CLDN16: variants seen among roughly 807,000 people sequenced by gnomAD.
CLDN16 encodes the protein claudin 16.
In CLDN16, 13 loss-of-function variants were observed where a neutral mutation model predicts 24.6. That is an observed-to-expected ratio of 0.53 (90% CI 0.34 to 0.84). The LOEUF is 0.84. Ranked by LOEUF, CLDN16 falls within the 40% of genes least tolerant of loss-of-function variation. The probability of loss-of-function intolerance (pLI) is 0.01; values close to 1 mark genes in which losing one functional copy is unlikely to be tolerated. For missense variants in CLDN16, 298 were observed against 292.7 expected (o/e 1.02, Z -0.13); for synonymous variants, 116 against 106.7 (o/e 1.09, Z -0.54).
At chr3:190,398,305 C>G (rs1718871010) in intron 1 of CLDN16, among the ~76,000 whole-genome samples, 1 of 152,192 alleles carries the variant, frequency 6.6e-6, no homozygotes, top group Non-Finnish European at 1.5e-5. Flanking sequence ...AGCTTATAAT[C>G]AAGAAGTTGG....
chr3:190,387,483 A>C (rs754540741), upstream of CLDN16, among the ~76,000 whole-genome samples: 4 of 152,352 alleles, frequency 2.6e-5, no homozygotes, highest in Admixed American at 1.3e-4. Flanking sequence ...ATGCTATTCT[A>C]AGCGACTTAC....
chr3:190,298,449 A>G, the CLDN16 span, among the ~76,000 whole-genome samples: 1 of 122,172 alleles, frequency 8.2e-6, no homozygotes, highest in Non-Finnish European at 1.6e-5. Flanking sequence ...TCCTTCTGGG[A>G]GTTGCTTTTT....
chr3:190,349,495 G>A (rs1340350811), intron 1 of CLDN16, among the ~76,000 whole-genome samples: 3 of 152,172 alleles, frequency 2.0e-5, no homozygotes, highest in African/African-American at 7.2e-5. Context: ...TGCAAGAACA[G>A]ACTAATACAG....
In CLDN16 at chr3:190,377,836, G is replaced by GCTGTCATCC. The variant is rs201678755; in HGVS notation, n.306+3234_306+3242dup. Among the ~76,000 whole-genome samples, 816 of 152,094 alleles carry GCTGTCATCC rather than the reference G, an allele frequency of 5.4e-3. 9 individuals are homozygous for GCTGTCATCC. Among genetic ancestry groups the GCTGTCATCC allele is most frequent in the African/African-American group, 0.019 (780 of 41,530 alleles). Reference sequence around the variant, plus strand: ...TTGAGTCTTAGGTTTCTCGTTAACAGCTGTCATCCTGGGAAAATACTTGCC... The same window carrying GCTGTCATCC: ...TTGAGTCTTAGGTTTCTCGTTAACAGCTGTCATCCCTGTCATCCTGGGAAAATACTTGCC... On this transcript the variant is annotated intron_variant and non_coding_transcript_variant, in intron 3 of 4. Transcript: ENST00000468220.
intron 1 of CLDN16, among the ~76,000 whole-genome samples, chr3:190,360,003 C>T (rs933503689): frequency 2.6e-5 from 4 of 151,926 alleles, no homozygotes; most frequent in Non-Finnish European, 5.9e-5. Flanking sequence ...CTTAACTGGG[C>T]TGGTTGAAGC....
At chr3:190,382,326 T>G (rs1017540694) in intron 3 of CLDN16, among the ~76,000 whole-genome samples, 7 of 152,142 alleles carry the variant, frequency 4.6e-5, no homozygotes, top group Non-Finnish European at 8.8e-5. Flanking sequence ...TAACAACATA[T>G]GCCTTGCTAC....
chr3:190,293,820 G>A, the CLDN16 span, among the ~76,000 whole-genome samples: 1 of 152,160 alleles, frequency 6.6e-6, no homozygotes, highest in Non-Finnish European at 1.5e-5. Context: ...TCAGGTTTTT[G>A]TTTTGTTTGC....
chr3:190,394,403 A>G (rs1176219658), intron 1 of CLDN16, among the ~76,000 whole-genome samples: 1 of 152,186 alleles, frequency 6.6e-6, no homozygotes, highest in African/African-American at 2.4e-5. Context: ...AGTTGCTCAC[A>G]TTAGTATTTA....
At chr3:190,335,174 G>A (rs2108625651) in intron 1 of CLDN16, among the ~76,000 whole-genome samples, 1 of 151,764 alleles carries the variant, frequency 6.6e-6, no homozygotes, top group Admixed American at 6.6e-5. Flanking sequence ...CTCCCTAGTA[G>A]CTGAGATTAC....
intron 1 of CLDN16, among the ~76,000 whole-genome samples, chr3:190,327,886 C>T (rs1027642012): frequency 6.6e-6 from 1 of 152,168 alleles, no homozygotes; most frequent in Admixed American, 6.6e-5. Context: ...ACTAGGAACA[C>T]TTTAGTGAAT....
intron 1 of CLDN16, among the ~76,000 whole-genome samples, chr3:190,359,925 G>A (rs1262443725): frequency 6.6e-6 from 1 of 152,022 alleles, no homozygotes; most frequent in African/African-American, 2.4e-5. Flanking sequence ...TGGATCTCGA[G>A]TTTTGGCACT....
chr3:190,321,465 AG>A (rs1716918897), upstream of CLDN16, among the ~76,000 whole-genome samples: 3 of 152,352 alleles, frequency 2.0e-5, no homozygotes, highest in South Asian at 6.2e-4. Flanking sequence ...ACACTTAGAT[AG>A]GACATTTCCA....
intron 4 of CLDN16, among the ~76,000 whole-genome samples, chr3:190,408,823 T>G (rs1719176615): frequency 6.9e-6 from 1 of 145,262 alleles, no homozygotes; most frequent in Admixed American, 7.0e-5. Flanking sequence ...ATACTATATA[T>G]GTATATATAC....
chr3:190,308,135 G>A, the CLDN16 span: 3 of 980,310 alleles, frequency 3.1e-6, no homozygotes, highest in Non-Finnish European at 3.2e-6. Flanking sequence ...TTTAACACAT[G>A]GGTTTTTTGT....
chr3:190,297,554 G>T, the CLDN16 span, among the ~76,000 whole-genome samples: 1 of 132,884 alleles, frequency 7.5e-6, no homozygotes, highest in Admixed American at 8.3e-5. Context: ...TAATAATATA[G>T]ATATATAATA....
intron 1 of CLDN16, among the ~76,000 whole-genome samples, chr3:190,357,388 A>G (rs184233565): frequency 2.0e-5 from 3 of 152,026 alleles, no homozygotes; most frequent in Admixed American, 6.6e-5. Flanking sequence ...TACAGCCAAT[A>G]CTTTGGTTCA....
Position 190,404,819 on chromosome 3 carries a change from G to A in CLDN16, c.275G>A (p.Gly92Glu). The change falls in exon 3 of 5, where the codon GGA becomes GAA. Residue 92 changes from glycine to glutamate, a missense_variant. Gly to Glu is a moderately conservative substitution (Grantham distance 98, BLOSUM62 -2). Coordinates refer to ENST00000264734, the MANE Select transcript of CLDN16 (RefSeq NM_006580.4). ...ACTGCAGATATTCTAGCTGGGTTTG[G>A]ATTTCTCACCCTGCTCCTTGGTCTT... ...MITADILAGF[G>E]FLTLLLGLDC... The A allele has an allele frequency of 1.2e-6, 2 of 1,614,048 alleles. No homozygotes were observed. Among genetic ancestry groups the A allele is most frequent in the Non-Finnish European group, 1.7e-6 (2 of 1,179,968 alleles).
In CLDN16 at chr3:190,357,488, C is replaced by T. The variant is rs556983743; in HGVS notation, n.122-13405C>T. On this transcript the variant is annotated intron_variant and non_coding_transcript_variant, in intron 1 of 4. Coordinates refer to the CLDN16 transcript ENST00000468220. ...TTTTCCTTTCCTCATTCTAGTTCCT[C>T]TTCTGTGCTTCACCTCTGCTCTTGA... Among the ~76,000 whole-genome samples, 5 of 152,016 alleles carry T rather than the reference C, an allele frequency of 3.3e-5. No individual in the cohort carries two copies. In the South Asian group the frequency reaches 1.0e-3, roughly 31 times the overall value.
the CLDN16 span, among the ~76,000 whole-genome samples, chr3:190,311,769 G>A: frequency 2.6e-5 from 4 of 151,000 alleles, no homozygotes; most frequent in Non-Finnish European, 5.9e-5. Flanking sequence ...TACACACAGA[G>A]AGATTGCATA....
Sources: gnomAD v4.1 joint callset for allele counts (sites outside exome capture counted in the v4.1 genomes callset) on GRCh38, gnomAD v4.1.1 for gene constraint, MANE v1.5 for transcripts, NCBI Gene and HGNC (gene_info 2026-07-23, HGNC 2026-07-21) for gene names.